The following NKAIN2 variants were observed in gnomAD, a reference collection of about 807,000 sequenced individuals.
NKAIN2 encodes sodium/potassium transporting ATPase interacting 2, also known as sodium/potassium-transporting ATPase subunit beta-1-interacting protein 2.
Under a neutral mutation model 32.6 loss-of-function variants are expected in NKAIN2, and 14 were observed. The observed-to-expected ratio is 0.43, with a 90% confidence interval of 0.28 to 0.67. The LOEUF is 0.67. Among genes scored for constraint, NKAIN2 ranks in the 30% least tolerant of loss-of-function variants. NKAIN2 has a pLI of 0.17. For synonymous variants in NKAIN2, 80 were observed against 87.2 expected (o/e 0.92, Z 0.46); for missense variants, 198 against 258.3 (o/e 0.77, Z 1.60).
At chr6:124,481,653 A>C (rs895234543) in intron 3 of NKAIN2, among the ~76,000 whole-genome samples, 1 of 152,240 alleles carries the variant, frequency 6.6e-6, no homozygotes, top group East Asian at 1.9e-4. Context: ...TATTTTTTAA[A>C]ATTCTTTTTA....
chr6:124,681,246 T>C (rs983684951), intron 4 of NKAIN2, among the ~76,000 whole-genome samples: 7 of 152,026 alleles, frequency 4.6e-5, no homozygotes, highest in Non-Finnish European at 1.0e-4. Context: ...TACTTATATA[T>C]TTAATTTCAA....
chr6:124,252,979 A>T (rs767840812), intron 1 of NKAIN2, among the ~76,000 whole-genome samples: 2 of 152,184 alleles, frequency 1.3e-5, no homozygotes, highest in East Asian at 3.8e-4. Context: ...TTGTCTTCCT[A>T]ATTGTAGTTC....
chr6:124,383,746 A>G (rs929765181), intron 3 of NKAIN2, among the ~76,000 whole-genome samples: 3 of 152,136 alleles, frequency 2.0e-5, no homozygotes, highest in Non-Finnish European at 4.4e-5. Flanking sequence ...TCTGTCTTCC[A>G]TACCTGGACT....
intron 3 of NKAIN2, among the ~76,000 whole-genome samples, chr6:124,639,800 GTAGAGTTGCAATTATTA>G (rs1445617184): frequency 1.3e-5 from 2 of 152,154 alleles, no homozygotes; most frequent in Non-Finnish European, 2.9e-5. Flanking sequence ...GAAGTGGAGA[GTAGAGTTGCAATTATTA>G]GACACTGAGA....
rs902689376 is a variant in NKAIN2 at position 123,964,867 on chromosome 6, C to T, written c.54+160613C>T. 6.6e-6 allele frequency among the ~76,000 whole-genome samples: 1 copy of T among 152,110 alleles called. No homozygotes were observed. On this transcript the variant is annotated intron_variant, in intron 1 of 6. Transcript: ENST00000368417. The surrounding 1 kb of genome is among the most constrained non-coding windows in gnomAD (Gnocchi z 4.0). ...CATCATCTGGGCTCTCATTTTATTC[C>T]TTTTGCTCATGTTCTCACCTTGTAC...
chr6:124,220,791 A>G (rs1401401837), intron 1 of NKAIN2, among the ~76,000 whole-genome samples: 1 of 152,064 alleles, frequency 6.6e-6, no homozygotes, highest in African/African-American at 2.4e-5. Flanking sequence ...AGTTTTATTT[A>G]AAGAGGCCTA....
At chr6:124,216,711 C>T (rs1018162408) in intron 1 of NKAIN2, among the ~76,000 whole-genome samples, 5 of 152,024 alleles carry the variant, frequency 3.3e-5, no homozygotes, top group Non-Finnish European at 5.9e-5. Flanking sequence ...GTTATTGCAC[C>T]GGTTGGCCAT....
At chr6:123,969,797 G>T (rs1410598783) in intron 1 of NKAIN2, among the ~76,000 whole-genome samples, 2 of 152,128 alleles carry the variant, frequency 1.3e-5, no homozygotes, top group African/African-American at 2.4e-5. Context: ...CCTCTGTCCT[G>T]GAGCTGGGAG....
intron 3 of NKAIN2, among the ~76,000 whole-genome samples, chr6:124,612,426 C>T (rs1448046803): frequency 2.0e-5 from 3 of 152,006 alleles, no homozygotes; most frequent in Non-Finnish European, 2.9e-5. Flanking sequence ...ATATGCATTG[C>T]ACTATGGTAG....
chr6:123,939,224 CA>C (rs1191789590), intron 1 of NKAIN2, among the ~76,000 whole-genome samples: 2 of 151,646 alleles, frequency 1.3e-5, no homozygotes, highest in Non-Finnish European at 2.9e-5. Flanking sequence ...AACTGGAGCC[CA>C]AAAATAAAGA....
chr6:123,969,861 C>T (rs73773031), intron 1 of NKAIN2, among the ~76,000 whole-genome samples: 5,422 of 151,678 alleles, frequency 0.036, 204 homozygotes, highest in African/African-American at 0.095. Context: ...CAGTGTCTGC[C>T]GCAAAAATAA....
At chr6:124,525,135 G>A (rs1562237754) in intron 3 of NKAIN2, among the ~76,000 whole-genome samples, 2 of 152,148 alleles carry the variant, frequency 1.3e-5, no homozygotes. Context: ...ATAGCTTAGG[G>A]AGAGATAGGA....
chr6:124,465,927 T>G (rs867604458), intron 3 of NKAIN2, among the ~76,000 whole-genome samples: 1 of 152,122 alleles, frequency 6.6e-6, no homozygotes, highest in African/African-American at 2.4e-5. Context: ...CATGTGAATG[T>G]TTGCTAAAAA....
chr6:124,759,496 C>T (rs1045717573), intron 4 of NKAIN2, among the ~76,000 whole-genome samples: 2 of 151,278 alleles, frequency 1.3e-5, no homozygotes, highest in African/African-American at 4.9e-5. Flanking sequence ...TCTCAGAAAC[C>T]CTCTGCGTTC....
intron 2 of NKAIN2, among the ~76,000 whole-genome samples, chr6:124,306,879 C>T (rs944943934): frequency 1.3e-5 from 2 of 152,082 alleles, no homozygotes; most frequent in African/African-American, 2.4e-5. Flanking sequence ...TATTAAGGCA[C>T]AATACAATCA....
At chr6:124,091,229 C>A (rs1462228328) in intron 1 of NKAIN2, among the ~76,000 whole-genome samples, 1 of 151,766 alleles carries the variant, frequency 6.6e-6, no homozygotes, top group Admixed American at 6.6e-5. Context: ...AGCTATATAC[C>A]ACCAGACCAA....
chr6:124,527,791 C>A (rs1779375224), intron 3 of NKAIN2, among the ~76,000 whole-genome samples: 1 of 152,022 alleles, frequency 6.6e-6, no homozygotes, highest in Admixed American at 6.6e-5. Flanking sequence ...GGAAATTTGC[C>A]TGTGTGACCC....
chr6:124,439,884 A>T (rs148480928), intron 3 of NKAIN2, among the ~76,000 whole-genome samples: 2 of 151,968 alleles, frequency 1.3e-5, no homozygotes, highest in Non-Finnish European at 2.9e-5. Context: ...GACTCATCTC[A>T]GATAGGGGTC....
At chr6:124,474,833 C>CATATATAATATATACATATATATTTTAT (rs1562207570) in intron 3 of NKAIN2, among the ~76,000 whole-genome samples, 4 of 100,782 alleles carry the variant, frequency 4.0e-5, no homozygotes, top group Admixed American at 9.7e-5. Flanking sequence ...ATATATTTTA[C>CATATATAATATATACATATATATTTTAT]ATACATATAT....
Sources: allele counts gnomAD v4.1 joint callset (sites outside exome capture counted in the v4.1 genomes callset), GRCh38; gene constraint gnomAD v4.1.1; non-coding constraint Gnocchi (gnomAD v3.1); transcripts MANE v1.5; gene names NCBI Gene and HGNC (gene_info 2026-07-23, HGNC 2026-07-21).